Variants in RANBP10 observed in about 807,000 individuals in gnomAD.
RANBP10 encodes RAN binding protein 10.
RANBP10 carries 24 observed loss-of-function variants against 72.8 expected under a neutral mutation model. The observed-to-expected ratio is 0.33, with a 90% CI of 0.24 to 0.46. The LOEUF is 0.46. Ranked by LOEUF, RANBP10 falls within the 20% of genes least tolerant of loss-of-function variation. RANBP10 has a pLI of 1.00. For synonymous variants in RANBP10, 310 were observed against 322.3 expected, an observed-to-expected ratio of 0.96 and a Z score of 0.41; for missense variants, 679 against 817.5, an observed-to-expected ratio of 0.83 and a Z score of 2.07.
At chr16:67,775,724 G>C (rs192241256) in intron 2 of RANBP10, among the ~76,000 whole-genome samples, 1 of 146,994 alleles carries the variant, frequency 6.8e-6, no homozygotes, top group Non-Finnish European at 1.5e-5. Flanking sequence ...AAGATCACCT[G>C]AGCCCAGGAG....
At chr16:67,734,366 A>G (rs1461895832) in intron 6 of RANBP10, among the ~76,000 whole-genome samples, 1 of 152,202 alleles carries the variant, frequency 6.6e-6, no homozygotes, top group Admixed American at 6.5e-5. Context: ...TCTGGGAATT[A>G]ATCAGCCAAG....
chr16:67,741,852 G>T (rs142594057), intron 4 of RANBP10, among the ~76,000 whole-genome samples: 188 of 152,268 alleles, frequency 1.2e-3, no homozygotes, highest in African/African-American at 4.2e-3. Flanking sequence ...AGTGGGGAAG[G>T]GATCGATTCT....
chr16:67,799,653 G>C (rs935016139), intron 2 of RANBP10, among the ~76,000 whole-genome samples: 3 of 152,048 alleles, frequency 2.0e-5, no homozygotes, highest in African/African-American at 7.2e-5. Flanking sequence ...TGTTCACCTA[G>C]AACACTCTAA....
At chr16:67,727,947 G>A (rs780980731) in intron 11 of RANBP10, 51 bp from the exon 12 acceptor site, 2 of 1,598,918 alleles carry the variant, frequency 1.3e-6, no homozygotes, top group Non-Finnish European at 1.7e-6. Context: ...AAGAGGGAAG[G>A]GCAGGACTAG....
chr16:67,805,425 T>C lies in RANBP10; in HGVS notation c.347+3A>G. On this transcript the variant is annotated splice_donor_region_variant and intron_variant, in intron 2 of 13. Coordinates refer to ENST00000317506, the MANE Select transcript of RANBP10 (RefSeq NM_020850.3). ...GGAAAGAGGGTGGTCATGAAGGGCT[T>C]ACCCATCTCTTCCTTTGCTGACAAT... 2 of 1,612,318 alleles carry C rather than the reference T, an allele frequency of 1.2e-6. No individual in the cohort carries two copies. The highest frequency in any genetic ancestry group is 1.7e-6 in the Non-Finnish European group (2 of 1,178,662).
chr16:67,749,161 A>T (rs1488880729), intron 3 of RANBP10, among the ~76,000 whole-genome samples: 1 of 152,172 alleles, frequency 6.6e-6, no homozygotes, highest in East Asian at 1.9e-4. Flanking sequence ...AGAGGCAGAG[A>T]GTGTGACTGG....
intron 3 of RANBP10, among the ~76,000 whole-genome samples, chr16:67,746,179 T>A (rs1395434074): frequency 6.9e-6 from 1 of 144,086 alleles, no homozygotes; most frequent in East Asian, 2.1e-4. Context: ...AATAAAGAAA[T>A]TTTAAAAATG....
chr16:67,780,599 G>A (rs576396003), intron 2 of RANBP10, among the ~76,000 whole-genome samples: 5 of 152,260 alleles, frequency 3.3e-5, no homozygotes, highest in Admixed American at 1.3e-4. Context: ...AAAAAAGAAA[G>A]GGTACAGCTG....
chr16:67,739,791 GC>G (rs1021816598), intron 4 of RANBP10: 1 of 152,120 alleles, frequency 6.6e-6, no homozygotes, highest in Non-Finnish European at 1.5e-5. Context: ...ACAAAAAACA[GC>G]CTGTCAAAAA....
intron 2 of RANBP10, among the ~76,000 whole-genome samples, chr16:67,803,980 C>T (rs1471563968): frequency 1.3e-5 from 2 of 151,970 alleles, no homozygotes; most frequent in Non-Finnish European, 2.9e-5. Flanking sequence ...GAAGCTCCAA[C>T]ATCTACCCAA....
chr16:67,755,576 C>T (rs540636353), intron 3 of RANBP10, among the ~76,000 whole-genome samples: 2 of 150,252 alleles, frequency 1.3e-5, no homozygotes, highest in Admixed American at 6.7e-5. Flanking sequence ...CCCAGCTGCT[C>T]GGAAGGCTGA....
In RANBP10 at chr16:67,729,375, C is replaced by CGAG. The variant is rs141826437; in HGVS notation, c.1254_1256dup (p.Ser422dup). ...AATTGACGGAGGATGGGGAAGAGGA[C>CGAG]GAGGAGGAGGAGGAGGACGAGGATG... On this transcript the variant is annotated inframe_insertion, in exon 10 of 14. Coordinates refer to ENST00000317506, the MANE Select transcript of RANBP10 (RefSeq NM_020850.3). This position sits in a 1 kb window ranked among gnomAD's most constrained non-coding sequence, Gnocchi z 7.1. 26 of 1,607,814 alleles carry CGAG rather than the reference C, an allele frequency of 1.6e-5. No individual in the cohort carries two copies. The highest frequency in any genetic ancestry group is 6.6e-5 in the South Asian group (6 of 90,806).
chr16:67,726,266 A>G lies in RANBP10; in HGVS notation c.*162T>C. 1 of 1,077,318 alleles carries G rather than the reference A, an allele frequency of 9.3e-7. No homozygotes were observed. The highest frequency in any genetic ancestry group is 2.7e-5 in the East Asian group (1 of 37,558). 66.7% of individuals were successfully genotyped at this position (1,077,318 alleles called of 1,614,324 possible). A position where few individuals can be genotyped will look rare whatever the true frequency, so the allele number is the denominator to read the frequency against. On this transcript the variant is annotated 3_prime_UTR_variant, in exon 14 of 14. Coordinates refer to ENST00000317506, the MANE Select transcript of RANBP10 (RefSeq NM_020850.3). ...AGAGACTGAGCGGGGTGGTGGGCAG[A>G]GAAAGGAAGGAAGGAAGGAAAGGGA...
intron 2 of RANBP10, among the ~76,000 whole-genome samples, chr16:67,772,338 A>T (rs1356813374): frequency 6.6e-6 from 1 of 152,216 alleles, no homozygotes; most frequent in Non-Finnish European, 1.5e-5. Flanking sequence ...CACCGGCTTC[A>T]ATTTCAGAGG....
chr16:67,794,585 C>T (rs55943723), intron 2 of RANBP10, among the ~76,000 whole-genome samples: 18 of 144,534 alleles, frequency 1.2e-4, no homozygotes, highest in African/African-American at 4.3e-4. Flanking sequence ...TGCAGTGGCA[C>T]GATCTCGGCT....
intron 3 of RANBP10, among the ~76,000 whole-genome samples, chr16:67,767,192 A>G (rs1056201701): frequency 3.3e-5 from 5 of 152,184 alleles, no homozygotes; most frequent in African/African-American, 1.2e-4. Context: ...GGCTGGCTCC[A>G]TATGGTCCCA....
In RANBP10 at chr16:67,728,443, A is replaced by G. The variant is rs1465539145; in HGVS notation, c.1421T>C (p.Ile474Thr). The G allele has an allele frequency of 6.2e-7, 1 of 1,614,082 alleles. No individual in the cohort carries two copies. Among genetic ancestry groups the G allele is most frequent in the Non-Finnish European group, 8.5e-7 (1 of 1,180,008 alleles). The change falls in exon 11 of 14, where the codon ATT becomes ACT. Residue 474 changes from isoleucine (I) to threonine (T), a missense_variant. Transcript: ENST00000317506. Reference protein sequence around the residue: ...NGVLGSMSTRIVNGAYKHEDL... With the variant: ...NGVLGSMSTRTVNGAYKHEDL... ...CTCATGCTTGTAGGCACCATTAACA[A>G]TGCGTGTGGACATGCTTCCTAGCAC... is the stretch of plus-strand genomic sequence containing the variant.
At chr16:67,751,667 GT>G (rs2054199627) in intron 3 of RANBP10, among the ~76,000 whole-genome samples, 2 of 151,558 alleles carry the variant, frequency 1.3e-5, no homozygotes, top group Admixed American at 1.3e-4. Flanking sequence ...TATAATCCCA[GT>G]ACTTTGGGAG....
At position 67,724,259 on chromosome 16, in the gene RANBP10, G is replaced by C; in HGVS notation, c.*2169C>G. Reference sequence around the variant, plus strand: ...GGGTTTATCTGCCATTCGGTTTCAGGACTAAATAGTGTTGCCCAACCCACA... The same window carrying C: ...GGGTTTATCTGCCATTCGGTTTCAGCACTAAATAGTGTTGCCCAACCCACA... On this transcript the variant is annotated 3_prime_UTR_variant, in exon 14 of 14. Transcript: ENST00000317506. 1 of 152,252 alleles carries C rather than the reference G, an allele frequency of 6.6e-6. No homozygotes were observed. Among genetic ancestry groups the C allele is most frequent in the Non-Finnish European group, 1.5e-5 (1 of 68,056 alleles). 9.4% of individuals were successfully genotyped at this position (152,252 alleles called of 1,614,324 possible).
Sources: gnomAD v4.1 joint callset for allele counts (sites outside exome capture counted in the v4.1 genomes callset) on GRCh38, gnomAD v4.1.1 for gene constraint, Gnocchi (gnomAD v3.1) non-coding constraint, MANE v1.5 for transcripts, NCBI Gene and HGNC (gene_info 2026-07-23, HGNC 2026-07-21) for gene names.